The following LRP1B variants were observed in gnomAD, a reference collection of about 807,000 sequenced individuals.
LRP1B encodes the protein LDL receptor related protein 1B.
A neutral mutation model predicts 556.6 loss-of-function variants in LRP1B; 217 were observed. The observed-to-expected ratio is 0.39, with a 90% CI of 0.35 to 0.44. LRP1B has a LOEUF of 0.44. Ranked by LOEUF, LRP1B falls within the 20% of genes least tolerant of loss-of-function variation. The pLI is 1.00. For missense variants in LRP1B, 5,053 were observed against 5,620.8 expected (o/e 0.90, Z 3.23); for synonymous variants, 2,047 against 1,865.8 (o/e 1.10, Z -2.50).
At chr2:142,006,976 A>AT (rs71391671) in intron 1 of LRP1B, among the ~76,000 whole-genome samples, 4,732 of 151,898 alleles carry the variant, frequency 0.031, 76 homozygotes, top group Middle Eastern at 0.048. Context: ...AGAAGACCTG[A>AT]TTTTTTTTTC....
intron 1 of LRP1B, among the ~76,000 whole-genome samples, chr2:141,902,653 A>C (rs2104936569): frequency 6.6e-6 from 1 of 152,162 alleles, no homozygotes; most frequent in East Asian, 1.9e-4. Context: ...GCTTGAAGGA[A>C]GCTAGAATGA....
At chr2:140,629,937 T>C in intron 41 of LRP1B, among the ~76,000 whole-genome samples, 1 of 152,168 alleles carries the variant, frequency 6.6e-6, no homozygotes, top group East Asian at 1.9e-4. Flanking sequence ...TAATGGGAAG[T>C]ATAGTGAGGA....
intron 41 of LRP1B, among the ~76,000 whole-genome samples, chr2:140,609,206 A>C (rs78522814): frequency 9.9e-5 from 15 of 152,238 alleles, no homozygotes; most frequent in Non-Finnish European, 2.2e-4. Context: ...GAGACCCTAT[A>C]TGTACAGCCA....
At chr2:140,484,054 A>G (rs1003002223) in intron 59 of LRP1B, among the ~76,000 whole-genome samples, 5 of 152,216 alleles carry the variant, frequency 3.3e-5, no homozygotes, top group African/African-American at 4.8e-5. Context: ...TATTTCTTAA[A>G]ACATACATAT....
chr2:142,039,688 G>A (rs1474277502), intron 1 of LRP1B, among the ~76,000 whole-genome samples: 1 of 151,474 alleles, frequency 6.6e-6, no homozygotes, highest in Non-Finnish European at 1.5e-5. Context: ...AAAAGTAGAA[G>A]CAACAATATA....
chr2:141,248,644 A>G (rs1684154729), intron 4 of LRP1B, among the ~76,000 whole-genome samples: 1 of 152,164 alleles, frequency 6.6e-6, no homozygotes, highest in African/African-American at 2.4e-5. Flanking sequence ...GAAACTGGGA[A>G]AGTACTTTGG....
chr2:140,993,130 G>T (rs906250740), intron 16 of LRP1B, among the ~76,000 whole-genome samples: 1 of 151,728 alleles, frequency 6.6e-6, no homozygotes, highest in Non-Finnish European at 1.5e-5. Context: ...TTAAAAAAGG[G>T]AAATGAAGGA....
intron 2 of LRP1B, among the ~76,000 whole-genome samples, chr2:141,783,842 G>A (rs1022627587): frequency 5.9e-5 from 9 of 151,552 alleles, no homozygotes; most frequent in African/African-American, 9.7e-5. Flanking sequence ...CAATAAGATG[G>A]TAATTACAAA....
At chr2:141,989,706 T>C (rs530290582) in intron 1 of LRP1B, among the ~76,000 whole-genome samples, 82 of 152,160 alleles carry the variant, frequency 5.4e-4, no homozygotes, top group African/African-American at 1.8e-3. Flanking sequence ...GATGGTTTTA[T>C]AATGGCTTCC....
intron 32 of LRP1B, among the ~76,000 whole-genome samples, chr2:140,782,068 T>C (rs1689718950): frequency 6.8e-6 from 1 of 147,414 alleles, no homozygotes; most frequent in Non-Finnish European, 1.5e-5. Context: ...GTTGTTGTTG[T>C]TTCACACTGT....
intron 49 of LRP1B, among the ~76,000 whole-genome samples, chr2:140,522,466 A>G (rs905918702): frequency 6.6e-6 from 1 of 151,940 alleles, no homozygotes; most frequent in Non-Finnish European, 1.5e-5. Context: ...TGTCCACATC[A>G]AAAAGATAGA....
intron 43 of LRP1B, among the ~76,000 whole-genome samples, chr2:140,568,422 T>C (rs1681206568): frequency 6.6e-6 from 1 of 152,102 alleles, no homozygotes; most frequent in East Asian, 1.9e-4. Context: ...AGATTACTTA[T>C]AATTATTCTG....
chr2:141,281,138 A>C (rs1382900053), intron 3 of LRP1B, among the ~76,000 whole-genome samples: 5 of 152,020 alleles, frequency 3.3e-5, no homozygotes, highest in African/African-American at 1.2e-4. Flanking sequence ...AATTTACCCT[A>C]AGCCTTATTT....
In LRP1B at chr2:141,292,362, C is replaced by T. The variant is rs1016124473; in HGVS notation, c.344-37721G>A. ...CTAGGGTGCAGAGATAACCAGAATGCTCCCTCTATCAACTCATAGTTCAGT... is the reference window on the plus strand; with the variant it reads ...CTAGGGTGCAGAGATAACCAGAATGTTCCCTCTATCAACTCATAGTTCAGT... On this transcript the variant is annotated intron_variant, in intron 3 of 90. Transcript: ENST00000389484. Among the ~76,000 whole-genome samples, 5 of 152,160 alleles carry T rather than the reference C, an allele frequency of 3.3e-5. No homozygotes were observed. The East Asian group carries it at 9.7e-4, about 29-fold the overall frequency.
chr2:140,909,348 T>C (rs1377675651), intron 21 of LRP1B, among the ~76,000 whole-genome samples: 1 of 152,106 alleles, frequency 6.6e-6, no homozygotes, highest in Non-Finnish European at 1.5e-5. Context: ...GGTATTTAAA[T>C]GTCTTCTTAA....
chr2:141,501,226 T>C (rs76521833), intron 2 of LRP1B, among the ~76,000 whole-genome samples: 2,453 of 152,232 alleles, frequency 0.016, 53 homozygotes, highest in African/African-American at 0.051. Context: ...AAATTTTATT[T>C]TATGTATACT....
intron 7 of LRP1B, among the ~76,000 whole-genome samples, chr2:141,150,869 TTGTGTGTGTGTG>T (rs56107003): frequency 0.029 from 4,058 of 138,684 alleles, 65 homozygotes; most frequent in Middle Eastern, 0.053. Context: ...TCATGCTGGT[TTGTGTGTGTGTG>T]TGTGTGTGTG....
chr2:140,975,569 A>G (rs541463336), intron 18 of LRP1B, among the ~76,000 whole-genome samples: 1 of 152,334 alleles, frequency 6.6e-6, no homozygotes, highest in East Asian at 1.9e-4. Context: ...TGACTAAGAT[A>G]TAATATTGGT....
intron 21 of LRP1B, among the ~76,000 whole-genome samples, chr2:140,909,644 T>C (rs926010444): frequency 2.0e-5 from 3 of 151,016 alleles, no homozygotes; most frequent in Non-Finnish European, 3.0e-5. Context: ...GACAATTAGG[T>C]AATAGAAAGA....
Sources: allele counts gnomAD v4.1 joint callset (sites outside exome capture counted in the v4.1 genomes callset), GRCh38; gene constraint gnomAD v4.1.1; transcripts MANE v1.5; gene names NCBI Gene and HGNC (gene_info 2026-07-23, HGNC 2026-07-21).